PARD3B: variants seen among roughly 807,000 people sequenced by gnomAD.
The protein encoded by PARD3B is par-3 family cell polarity regulator beta.
Under a neutral mutation model 130.2 loss-of-function variants are expected in PARD3B, and 103 were observed. That is an observed-to-expected ratio of 0.79 (90% CI 0.67 to 0.93). PARD3B has a LOEUF of 0.93. Among genes scored for constraint, PARD3B ranks in the 40% least tolerant of loss-of-function variants. The pLI, the probability that PARD3B is intolerant of heterozygous loss-of-function variation, is 0.00. For missense variants in PARD3B, 1,609 were observed against 1,499.2 expected (o/e 1.07, Z -1.21); for synonymous variants, 583 against 553.2 (o/e 1.05, Z -0.76).
At chr2:205,338,177 A>AC (rs1574741114) in intron 18 of PARD3B, among the ~76,000 whole-genome samples, 1 of 150,014 alleles carries the variant, frequency 6.7e-6, no homozygotes, top group East Asian at 1.9e-4. Flanking sequence ...AAAAAAAAAA[A>AC]AGGCTTCATG....
chr2:204,909,195 T>C (rs942617436), intron 2 of PARD3B, among the ~76,000 whole-genome samples: 8 of 152,116 alleles, frequency 5.3e-5, no homozygotes, highest in African/African-American at 1.4e-4. Flanking sequence ...TGTACAAATA[T>C]TTGGGAAAGT....
chr2:204,574,184 A>G (rs1258627333), intron 1 of PARD3B, among the ~76,000 whole-genome samples: 1 of 152,202 alleles, frequency 6.6e-6, no homozygotes, highest in Non-Finnish European at 1.5e-5. Context: ...CCATGATATC[A>G]GAAAGATGCT....
chr2:205,542,898 T>C (rs1007171936), intron 21 of PARD3B, among the ~76,000 whole-genome samples: 1 of 152,228 alleles, frequency 6.6e-6, no homozygotes, highest in East Asian at 1.9e-4. Context: ...ACAAAAGAAA[T>C]GTGGCAGTCT....
chr2:205,522,235 T>G (rs1423850475), intron 21 of PARD3B, among the ~76,000 whole-genome samples: 1 of 151,884 alleles, frequency 6.6e-6, no homozygotes, highest in African/African-American at 2.4e-5. Flanking sequence ...ATTTTGCTTT[T>G]GAACTTAGTT....
chr2:205,170,456 C>T (rs761235330), intron 11 of PARD3B, among the ~76,000 whole-genome samples: 1 of 152,198 alleles, frequency 6.6e-6, no homozygotes, highest in Admixed American at 6.5e-5. Flanking sequence ...TCTGACTTGA[C>T]GCCTTTGTCT....
At chr2:205,184,079 C>A (rs2035956469) in intron 13 of PARD3B, among the ~76,000 whole-genome samples, 1 of 152,076 alleles carries the variant, frequency 6.6e-6, no homozygotes, top group African/African-American at 2.4e-5. Flanking sequence ...TTGTTCTATT[C>A]ATGCCTTCAC....
chr2:204,576,934 A>G (rs1231703935), intron 1 of PARD3B, among the ~76,000 whole-genome samples: 1 of 152,198 alleles, frequency 6.6e-6, no homozygotes, highest in Non-Finnish European at 1.5e-5. Context: ...CGTGTTTTTA[A>G]TGGATATTTT....
chr2:205,031,858 A>G (rs1697452141), intron 3 of PARD3B, among the ~76,000 whole-genome samples: 1 of 152,146 alleles, frequency 6.6e-6, no homozygotes, highest in African/African-American at 2.4e-5. Context: ...TCGTTCTGAT[A>G]ATCCCTTAAA....
intron 1 of PARD3B, among the ~76,000 whole-genome samples, chr2:204,682,179 G>A (rs944772219): frequency 1.3e-5 from 2 of 152,096 alleles, no homozygotes; most frequent in Admixed American, 6.6e-5. Flanking sequence ...GCCTGGGTAC[G>A]TATGCTTATG....
intron 1 of PARD3B, among the ~76,000 whole-genome samples, chr2:204,582,085 G>A (rs558304796): frequency 5.8e-4 from 89 of 152,290 alleles, no homozygotes; most frequent in African/African-American, 1.5e-3. Context: ...GGAAGTAGCA[G>A]TGACAGCCTG....
At chr2:204,891,008 G>A (rs2046425162) in intron 2 of PARD3B, among the ~76,000 whole-genome samples, 1 of 152,014 alleles carries the variant, frequency 6.6e-6, no homozygotes, top group African/African-American at 2.4e-5. Flanking sequence ...CCACTTCCAT[G>A]TTAAGCAGCA....
In PARD3B at chr2:205,078,466, A is replaced by G. The variant is rs1228167871; in HGVS notation, c.505-25960A>G. 1.3e-5 allele frequency among the ~76,000 whole-genome samples: 2 copies of G among 152,180 alleles called. No homozygotes were observed. The highest frequency in any genetic ancestry group is 1.5e-5 in the Non-Finnish European group (1 of 68,032). ...GTAATTCTGTCTCTTAATGAATGCT[A>G]CTTAATCCATTAGGGTTCACATAAG... On this transcript the variant is annotated intron_variant, in intron 4 of 22. Coordinates refer to ENST00000406610, the MANE Select transcript of PARD3B (RefSeq NM_001302769.2). This position sits in a 1 kb window ranked among gnomAD's most constrained non-coding sequence, Gnocchi z 4.0.
intron 2 of PARD3B, among the ~76,000 whole-genome samples, chr2:204,851,482 T>C (rs954810130): frequency 6.6e-6 from 1 of 152,242 alleles, no homozygotes; most frequent in African/African-American, 2.4e-5. Flanking sequence ...AACTAGGTTC[T>C]GAATGTAAAC....
At chr2:204,785,526 G>A (rs1336957360) in intron 2 of PARD3B, among the ~76,000 whole-genome samples, 1 of 152,106 alleles carries the variant, frequency 6.6e-6, no homozygotes, top group Admixed American at 6.5e-5. Context: ...GACACTTTAA[G>A]GTTGGATAGA....
At chr2:204,626,975 G>C (rs2034508187) in intron 1 of PARD3B, among the ~76,000 whole-genome samples, 1 of 152,134 alleles carries the variant, frequency 6.6e-6, no homozygotes, top group Non-Finnish European at 1.5e-5. Flanking sequence ...TGTCAAGGGA[G>C]GGAGGTGATT....
At chr2:204,552,129 C>T (rs1313454911) in intron 1 of PARD3B, among the ~76,000 whole-genome samples, 1 of 152,186 alleles carries the variant, frequency 6.6e-6, no homozygotes, top group East Asian at 1.9e-4. Context: ...CTGTCAGCTG[C>T]TTTTGGAAAC....
At chr2:205,094,246 A>G (rs1192852913) in intron 4 of PARD3B, among the ~76,000 whole-genome samples, 5 of 152,216 alleles carry the variant, frequency 3.3e-5, no homozygotes, top group Admixed American at 3.3e-4. Flanking sequence ...GAAATGCAAG[A>G]ATGACAAAGT....
At chr2:205,264,292 G>T (rs1264437548) in intron 16 of PARD3B, among the ~76,000 whole-genome samples, 1 of 150,978 alleles carries the variant, frequency 6.6e-6, no homozygotes, top group Non-Finnish European at 1.5e-5. Flanking sequence ...ATTCTTTGAT[G>T]GGGGTAACAG....
intron 3 of PARD3B, among the ~76,000 whole-genome samples, chr2:204,966,906 G>A (rs747821115): frequency 6.6e-5 from 10 of 151,916 alleles, no homozygotes; most frequent in Non-Finnish European, 1.0e-4. Flanking sequence ...TTAATTAGTC[G>A]GCTTTTATTA....
Sources: allele counts gnomAD v4.1 joint callset (sites outside exome capture counted in the v4.1 genomes callset), GRCh38; gene constraint gnomAD v4.1.1; non-coding constraint Gnocchi (gnomAD v3.1); transcripts MANE v1.5; gene names NCBI Gene and HGNC (gene_info 2026-07-23, HGNC 2026-07-21).